Variants in CDK15 observed in about 807,000 individuals in gnomAD.
The protein encoded by CDK15 is cyclin dependent kinase 15.
Under a neutral mutation model 60.3 loss-of-function variants are expected in CDK15, and 62 were observed. The ratio of observed to expected loss-of-function variants is 1.03; its 90% CI spans 0.84 to 1.27. CDK15 has a LOEUF of 1.27. Among genes scored for constraint, CDK15 ranks in the 50% most tolerant of loss-of-function variants. CDK15 has a pLI of 0.00. For missense variants in CDK15, 541 were observed against 527.8 expected, an observed-to-expected ratio of 1.03 and a Z score of -0.25; for synonymous variants, 194 against 195.7, an observed-to-expected ratio of 0.99 and a Z score of 0.07.
intron 12 of CDK15, among the ~76,000 whole-genome samples, chr2:201,883,507 T>G (rs1014142417): frequency 6.6e-6 from 1 of 152,230 alleles, no homozygotes. Flanking sequence ...TTATTTGCCA[T>G]GAAAACCAGG....
At chr2:201,861,522 A>C in intron 10 of CDK15, 1 of 981,492 alleles carries the variant, frequency 1.0e-6, no homozygotes. Flanking sequence ...ACTCAATAAA[A>C]GTTCCCATTC....
In CDK15 at chr2:201,895,402, C is replaced by T. The variant is rs1479021434; in HGVS notation, c.*2135C>T. On this transcript the variant is annotated 3_prime_UTR_variant, in exon 14 of 14. Transcript: ENST00000652192. Reference sequence around the variant, plus strand: ...GAGGAACATTATGCTTATGCATATGCATATACCTTATGCATATGATTATGC... The same window carrying T: ...GAGGAACATTATGCTTATGCATATGTATATACCTTATGCATATGATTATGC... The T allele has an allele frequency of 6.6e-6, 1 of 152,192 alleles. No homozygotes were observed. Among genetic ancestry groups the T allele is most frequent in the Non-Finnish European group, 1.5e-5 (1 of 68,018 alleles). The allele number at this position is 152,192 out of a possible 1,614,324, so 9.4% of individuals were successfully genotyped here. A position where few individuals can be genotyped will look rare whatever the true frequency, so the allele number is the denominator to read the frequency against.
intron 11 of CDK15, among the ~76,000 whole-genome samples, chr2:201,872,660 G>A (rs985992160): frequency 6.6e-6 from 1 of 151,400 alleles, no homozygotes; most frequent in African/African-American, 2.4e-5. Flanking sequence ...ATCATTGAGT[G>A]GCTATTGGAG....
At chr2:201,815,066 C>T (rs1450257628) in intron 4 of CDK15, among the ~76,000 whole-genome samples, 1 of 151,794 alleles carries the variant, frequency 6.6e-6, no homozygotes, top group Non-Finnish European at 1.5e-5. Flanking sequence ...ATTCTCCTGC[C>T]TCAGCCTCCG....
chr2:201,865,019 T>C (rs930341722), intron 10 of CDK15, among the ~76,000 whole-genome samples: 1 of 151,074 alleles, frequency 6.6e-6, no homozygotes, highest in Non-Finnish European at 1.5e-5. Context: ...GGGAAGGGAG[T>C]CTTTAGAAGC....
chr2:201,839,470 A>T (rs1416628743), intron 8 of CDK15, among the ~76,000 whole-genome samples: 1 of 152,118 alleles, frequency 6.6e-6, no homozygotes, highest in African/African-American at 2.4e-5. Flanking sequence ...TACTGTAGGG[A>T]CTATAGGTGA....
intron 8 of CDK15, among the ~76,000 whole-genome samples, chr2:201,841,708 A>T (rs1697392613): frequency 6.6e-6 from 1 of 152,248 alleles, no homozygotes; most frequent in African/African-American, 2.4e-5. Flanking sequence ...CGTAGTGCAG[A>T]GCCTCTCCTT....
At chr2:201,807,464 T>C (rs746213688) in intron 1 of CDK15, 30 bp from the exon 2 acceptor site, 10 of 1,600,456 alleles carry the variant, frequency 6.2e-6, no homozygotes, top group Non-Finnish European at 7.7e-6. Context: ...TTTGCATAAA[T>C]TTTATTTCTG....
At chr2:201,858,434 C>T (rs1049587159) in intron 10 of CDK15, among the ~76,000 whole-genome samples, 2 of 145,014 alleles carry the variant, frequency 1.4e-5, no homozygotes, top group African/African-American at 5.0e-5. Flanking sequence ...CTCTCTTTCA[C>T]TCCCTCCCTC....
intron 12 of CDK15, 78 bp downstream of exon 12, chr2:201,880,245 A>G: frequency 6.6e-7 from 1 of 1,519,836 alleles, no homozygotes; most frequent in Non-Finnish European, 8.9e-7. Flanking sequence ...TGTCTTAAGT[A>G]GTTTGCCTCA....
intron 11 of CDK15, among the ~76,000 whole-genome samples, chr2:201,877,819 T>C (rs1699135478): frequency 6.6e-6 from 1 of 152,246 alleles, no homozygotes; most frequent in Non-Finnish European, 1.5e-5. Flanking sequence ...ATGAAGCAAT[T>C]ATTCCTGAGT....
At position 201,821,253 on chromosome 2, in the gene CDK15, A is replaced by G. The variant is rs1057073177; in HGVS notation, c.449-1556A>G. 1.8e-4 allele frequency among the ~76,000 whole-genome samples: 27 copies of G among 151,884 alleles called. 1 individual carries two copies. Among genetic ancestry groups the G allele is most frequent in the Admixed American group, 1.6e-3 (25 of 15,254 alleles). On this transcript the variant is annotated intron_variant, in intron 4 of 13. Transcript: ENST00000652192. ...TGTGCCTGTCTCTGAACCAATCACT[A>G]GGGATAGGGGAGTGCCGTGCTCTGA...
At chr2:201,876,774 A>T (rs1699094377) in intron 11 of CDK15, among the ~76,000 whole-genome samples, 1 of 151,718 alleles carries the variant, frequency 6.6e-6, no homozygotes, top group Non-Finnish European at 1.5e-5. Context: ...CACCTGGTTT[A>T]AAAAAAACAA....
chr2:201,833,946 G>A lies in CDK15; in HGVS notation c.705G>A (p.Leu235=), dbSNP rs1308636646. 3 of 1,613,728 alleles carry A rather than the reference G, an allele frequency of 1.9e-6. No individual in the cohort carries two copies. In the African/African-American group the frequency reaches 4.0e-5, roughly 22 times the overall value. ...LKPQNLLISH[L]GELKLADFGL... ...CTCAGAACTTACTCATCAGTCACCT[G>A]GGAGAGCTCAAACTGGCTGATTTTG... The change falls in exon 7 of 14, where the codon CTG becomes CTA. Residue 235 remains leucine, a synonymous_variant. Coordinates refer to ENST00000652192, the MANE Select transcript of CDK15 (RefSeq NM_001366386.2).
intron 3 of CDK15, among the ~76,000 whole-genome samples, chr2:201,810,373 C>CAA (rs111317908): frequency 7.2e-6 from 1 of 138,300 alleles, no homozygotes; most frequent in Non-Finnish European, 1.6e-5. Context: ...TCAAATAGGC[C>CAA]AAAAAAAAAA....
chr2:201,893,351 C>T lies in CDK15; in HGVS notation c.*84C>T, dbSNP rs1699694655. The T allele has an allele frequency of 6.6e-6, 1 of 152,166 alleles. No individual in the cohort carries two copies. Among genetic ancestry groups the T allele is most frequent in the African/African-American group, 2.4e-5 (1 of 41,432 alleles). 9.4% of individuals were successfully genotyped at this position (152,166 alleles called of 1,614,324 possible). A position where few individuals can be genotyped will look rare whatever the true frequency, so the allele number is the denominator to read the frequency against. ...TCATTTGCTTCAGCTTACTAAGAAG[C>T]TTCAAATCTAACTCCATACTGAACA... On this transcript the variant is annotated 3_prime_UTR_variant, in exon 14 of 14. Coordinates refer to ENST00000652192, the MANE Select transcript of CDK15 (RefSeq NM_001366386.2).
chr2:201,871,149 T>A (rs1314042884), intron 10 of CDK15, among the ~76,000 whole-genome samples: 2 of 152,172 alleles, frequency 1.3e-5, no homozygotes, highest in African/African-American at 4.8e-5. Context: ...CTTTATTTTT[T>A]ATTTTTATTT....
At chr2:201,855,479 C>A (rs528417644) in intron 10 of CDK15, among the ~76,000 whole-genome samples, 22 of 152,062 alleles carry the variant, frequency 1.4e-4, no homozygotes, top group Admixed American at 5.9e-4. Context: ...CTTCTGGGAT[C>A]GATTTAGAAG....
At chr2:201,820,522 C>T (rs1482962809) in intron 4 of CDK15, among the ~76,000 whole-genome samples, 1 of 152,134 alleles carries the variant, frequency 6.6e-6, no homozygotes, top group Non-Finnish European at 1.5e-5. Context: ...TGTCTCTTTT[C>T]CTAAGGAATG....
Sources: allele counts gnomAD v4.1 joint callset (sites outside exome capture counted in the v4.1 genomes callset), GRCh38; gene constraint gnomAD v4.1.1; transcripts MANE v1.5; gene names NCBI Gene and HGNC (gene_info 2026-07-23, HGNC 2026-07-21).